The following ANK3 variants were observed in gnomAD, a reference collection of about 807,000 sequenced individuals.
ANK3 encodes the protein ankyrin-3.
ANK3 carries 57 observed loss-of-function variants against 370.9 expected under a neutral mutation model. The ratio of observed to expected loss-of-function variants is 0.15; its 90% CI spans 0.12 to 0.19. The LOEUF is 0.19. Among genes scored for constraint, ANK3 ranks in the 10% least tolerant of loss-of-function variants. The probability of loss-of-function intolerance (pLI) is 1.00; values close to 1 mark genes in which losing one functional copy is unlikely to be tolerated. For missense variants in ANK3, 4,439 were observed against 5,302.1 expected (o/e 0.84, Z 5.06); for synonymous variants, 1,929 against 1,946.3 (o/e 0.99, Z 0.23).
At chr10:60,706,144 C>T (rs1160806545) in intron 1 of ANK3, among the ~76,000 whole-genome samples, 2 of 152,274 alleles carry the variant, frequency 1.3e-5, no homozygotes, top group African/African-American at 4.8e-5. Context: ...ACTAAAGGTT[C>T]TTATTTTCTG....
intron 2 of ANK3, among the ~76,000 whole-genome samples, chr10:60,614,924 T>C (rs1162117465): frequency 6.6e-6 from 1 of 152,180 alleles, no homozygotes; most frequent in African/African-American, 2.4e-5. Context: ...GAGAAGCAGA[T>C]GTGAAACACA....
intron 2 of ANK3, among the ~76,000 whole-genome samples, chr10:60,612,373 C>A (rs1167385071): frequency 6.6e-6 from 1 of 152,176 alleles, no homozygotes; most frequent in Non-Finnish European, 1.5e-5. Context: ...AAAAGAGATG[C>A]TCCCAAGATA....
At chr10:60,456,816 A>T (rs769035376) in intron 2 of ANK3, among the ~76,000 whole-genome samples, 13 of 152,122 alleles carry the variant, frequency 8.5e-5, no homozygotes, top group Non-Finnish European at 1.5e-4. Context: ...TCCAAATCGC[A>T]ATCTCCAACA....
chr10:60,369,799 CTGTT>C (rs1380712393), intron 1 of ANK3, among the ~76,000 whole-genome samples: 1 of 152,114 alleles, frequency 6.6e-6, no homozygotes, highest in Non-Finnish European at 1.5e-5. Context: ...CGTTAGATAT[CTGTT>C]TATTTATTTC....
chr10:60,311,419 C>T (rs940991092), intron 1 of ANK3, among the ~76,000 whole-genome samples: 3 of 149,450 alleles, frequency 2.0e-5, no homozygotes, highest in African/African-American at 7.4e-5. Flanking sequence ...TTAGTGAGTT[C>T]CTCACATTCA....
At chr10:60,647,237 T>C (rs1235291641) in intron 1 of ANK3, among the ~76,000 whole-genome samples, 1 of 152,174 alleles carries the variant, frequency 6.6e-6, no homozygotes, top group African/African-American at 2.4e-5. Context: ...AATGATGTAA[T>C]TTAGGTTATA....
At chr10:60,188,465 AT>A (rs2096399786) in intron 16 of ANK3, among the ~76,000 whole-genome samples, 1 of 152,200 alleles carries the variant, frequency 6.6e-6, no homozygotes, top group Non-Finnish European at 1.5e-5. Context: ...AGAAAATAGA[AT>A]CTAAGAATTT....
chr10:60,196,264 A>G (rs1439711843), intron 15 of ANK3, 21 bp from the exon 16 acceptor site: 1 of 1,604,646 alleles, frequency 6.2e-7, no homozygotes, highest in Non-Finnish European at 8.5e-7. Context: ...GTGCAGAAAC[A>G]ACAACCAGTG....
At position 60,534,038 on chromosome 10, in the gene ANK3, C is replaced by T. The variant is rs553510106; in HGVS notation, c.96+81148G>A. 8.5e-5 allele frequency among the ~76,000 whole-genome samples: 13 copies of T among 152,168 alleles called. No individual in the cohort carries two copies. In the South Asian group the frequency reaches 1.7e-3, roughly 19 times the overall value. On this transcript the variant is annotated intron_variant, in intron 2 of 43. Transcript: ENST00000373827. The stretch of plus-strand genomic sequence containing the variant: ...GATTTATGACACAACCTTTTCACTA[C>T]GGAAGTGATTCTCAGAAGGCCCATA...
chr10:60,568,562 T>TA (rs1176300947), intron 2 of ANK3, among the ~76,000 whole-genome samples: 2 of 152,210 alleles, frequency 1.3e-5, no homozygotes, highest in African/African-American at 4.8e-5. Context: ...GGTATGCCTG[T>TA]AGCTGGCTCT....
intron 16 of ANK3, among the ~76,000 whole-genome samples, chr10:60,193,529 C>A (rs1411906163): frequency 1.3e-5 from 2 of 151,820 alleles, no homozygotes; most frequent in African/African-American, 4.8e-5. Context: ...GTGGTACATG[C>A]CTGTAGTCTC....
chr10:60,294,282 A>C (rs2042058856), intron 1 of ANK3, among the ~76,000 whole-genome samples: 1 of 152,206 alleles, frequency 6.6e-6, no homozygotes, highest in Non-Finnish European at 1.5e-5. Context: ...CAGATAGGAA[A>C]TTACAATACA....
At chr10:60,484,766 G>C (rs2075307474) in intron 2 of ANK3, among the ~76,000 whole-genome samples, 1 of 152,156 alleles carries the variant, frequency 6.6e-6, no homozygotes, top group African/African-American at 2.4e-5. Context: ...ACTGAACTGA[G>C]TATTTCCCAT....
At position 60,051,989 on chromosome 10, in the gene ANK3, G is replaced by A. The variant is rs551203378; in HGVS notation, c.13065+3669C>T. Among the ~76,000 whole-genome samples, 259 of 152,080 alleles carry A rather than the reference G, an allele frequency of 1.7e-3. 3 individuals carry two copies. Among genetic ancestry groups the A allele is most frequent in the African/African-American group, 5.9e-3 (245 of 41,486 alleles). ...TATTTCATTTGATCTACAGAAAGAG[G>A]CATAATATTTTGGACTTCTATGAAA... On this transcript the variant is annotated intron_variant, in intron 42 of 43. Coordinates refer to ENST00000280772, the MANE Select transcript of ANK3 (RefSeq NM_020987.5).
chr10:60,305,556 T>G (rs2044841519), intron 1 of ANK3, among the ~76,000 whole-genome samples: 1 of 152,206 alleles, frequency 6.6e-6, no homozygotes, highest in Non-Finnish European at 1.5e-5. Context: ...TATCGTCTTT[T>G]TAAACACTCC....
chr10:60,398,910 G>T (rs997682554), intron 2 of ANK3, among the ~76,000 whole-genome samples: 2 of 152,172 alleles, frequency 1.3e-5, no homozygotes, highest in African/African-American at 4.8e-5. Flanking sequence ...CTAGGGTGGG[G>T]AGAGGGCATA....
intron 16 of ANK3, among the ~76,000 whole-genome samples, chr10:60,192,807 T>C (rs912868626): frequency 1.3e-5 from 2 of 152,174 alleles, no homozygotes; most frequent in East Asian, 1.9e-4. Flanking sequence ...GACATATCCA[T>C]GTAACACAAC....
chr10:60,142,605 C>T (rs2094617304), intron 23 of ANK3, among the ~76,000 whole-genome samples: 1 of 151,560 alleles, frequency 6.6e-6, no homozygotes, highest in Non-Finnish European at 1.5e-5. Context: ...AGTAAAATTT[C>T]AATGAAAGTA....
chr10:60,347,199 C>T (rs2055763816), intron 1 of ANK3, among the ~76,000 whole-genome samples: 1 of 151,410 alleles, frequency 6.6e-6, no homozygotes, highest in Admixed American at 6.6e-5. Flanking sequence ...ATACAGGATT[C>T]CATGATTATA....
Sources: allele counts gnomAD v4.1 joint callset (sites outside exome capture counted in the v4.1 genomes callset), GRCh38; gene constraint gnomAD v4.1.1; transcripts MANE v1.5; gene names NCBI Gene and HGNC (gene_info 2026-07-23, HGNC 2026-07-21).